The following CA12 variants were observed in gnomAD, a reference collection of about 807,000 sequenced individuals.
CA12 encodes carbonate dehydratase XII.
In CA12, 36 loss-of-function variants were observed where a neutral mutation model predicts 46.8. The observed-to-expected ratio is 0.77, with a 90% confidence interval of 0.59 to 1.02. The LOEUF (loss-of-function observed/expected upper bound fraction) is 1.02. CA12 is among the 50% of genes least tolerant of loss of function. The pLI is 0.00. For synonymous variants in CA12, 202 were observed against 187.0 expected (o/e 1.08, Z -0.65); for missense variants, 436 against 451.4 (o/e 0.97, Z 0.31).
At chr15:63,366,365 T>C (rs1453812581) in intron 2 of CA12, among the ~76,000 whole-genome samples, 2 of 152,180 alleles carry the variant, frequency 1.3e-5, no homozygotes, top group Non-Finnish European at 2.9e-5. Flanking sequence ...CTTGCTCTTA[T>C]GTGTCCTTCA....
chr15:63,351,189 G>A (rs546810734), intron 2 of CA12, among the ~76,000 whole-genome samples: 5 of 152,286 alleles, frequency 3.3e-5, no homozygotes, highest in South Asian at 4.1e-4. Context: ...CCTGGGCCCC[G>A]CTCCTCCAAG....
chr15:63,378,670 G>A lies in CA12; in HGVS notation c.85+2966C>T, dbSNP rs1422375808. ...TATAGAAGACATAAAACCTCTTCTG[G>A]ACATTTTCTTCAGTCTTTTGTGTGA... is the stretch of plus-strand genomic sequence containing the variant. On this transcript the variant is annotated intron_variant, in intron 1 of 10. Transcript: ENST00000178638. The surrounding 1 kb of genome is among the most constrained non-coding windows in gnomAD (Gnocchi z 4.8). 6.6e-6 allele frequency: 1 copy of A among 152,200 alleles called. No individual in the cohort carries two copies. The highest frequency in any genetic ancestry group is 1.9e-4 in the East Asian group (1 of 5,198). 9.4% of individuals were successfully genotyped at this position (152,200 alleles called of 1,614,324 possible).
At chr15:63,360,697 T>C (rs1437621596) in intron 2 of CA12, among the ~76,000 whole-genome samples, 1 of 152,222 alleles carries the variant, frequency 6.6e-6, no homozygotes, top group Non-Finnish European at 1.5e-5. Flanking sequence ...CCCTGCTAAC[T>C]CCTGTGTGTT....
intron 2 of CA12, among the ~76,000 whole-genome samples, chr15:63,368,581 T>C (rs904372220): frequency 4.6e-5 from 7 of 152,248 alleles, no homozygotes; most frequent in African/African-American, 1.7e-4. Context: ...GGCAGCACAC[T>C]GGCTCCTCTT....
intron 7 of CA12, 54 bp from the exon 8 acceptor site, chr15:63,338,999 C>A (rs1319969148): frequency 1.1e-5 from 18 of 1,610,578 alleles, no homozygotes; most frequent in Admixed American, 1.7e-5. Flanking sequence ...TCACCTGATC[C>A]CCTGGGAAGA....
At chr15:63,354,663 T>C (rs1035845678) in intron 2 of CA12, among the ~76,000 whole-genome samples, 1 of 152,128 alleles carries the variant, frequency 6.6e-6, no homozygotes, top group Non-Finnish European at 1.5e-5. Flanking sequence ...CTCTGAGTCT[T>C]GTGGCTTAGC....
chr15:63,328,064 T>C lies in CA12; in HGVS notation c.907+34A>G. ...CCAAGAATCACAGTGATCACCCAGC[T>C]GCAGCATGCACGGCTGGCTGCCCAG... On this transcript the variant is annotated intron_variant, in intron 9 of 10. Coordinates refer to ENST00000178638, the MANE Select transcript of CA12 (RefSeq NM_001218.5). The surrounding 1 kb of genome is among the most constrained non-coding windows in gnomAD (Gnocchi z 5.9). 1 of 1,603,814 alleles carries C rather than the reference T, an allele frequency of 6.2e-7. No individual in the cohort carries two copies. The highest frequency in any genetic ancestry group is 8.5e-7 in the Non-Finnish European group (1 of 1,170,724).
chr15:63,335,560 C>T (rs2038991612), intron 8 of CA12, among the ~76,000 whole-genome samples: 1 of 151,266 alleles, frequency 6.6e-6, no homozygotes, highest in South Asian at 2.1e-4. Flanking sequence ...AACTCTTGGG[C>T]TAATGTGATC....
intron 2 of CA12, among the ~76,000 whole-genome samples, chr15:63,371,860 T>G (rs7172944): frequency 5.9e-5 from 9 of 151,968 alleles, no homozygotes; most frequent in Non-Finnish European, 8.8e-5. Flanking sequence ...TGTTTTTGGG[T>G]TTTTTGTTTT....
intron 1 of CA12, among the ~76,000 whole-genome samples, chr15:63,377,768 T>C (rs2039595702): frequency 6.6e-6 from 1 of 152,232 alleles, no homozygotes; most frequent in Non-Finnish European, 1.5e-5. Flanking sequence ...TATAACATGC[T>C]AATATTGTTT....
intron 2 of CA12, among the ~76,000 whole-genome samples, chr15:63,350,524 C>T (rs1243625385): frequency 6.6e-6 from 1 of 152,234 alleles, no homozygotes; most frequent in African/African-American, 2.4e-5. Context: ...ACAGGAGGAT[C>T]ACGTGTCTTT....
intron 2 of CA12, among the ~76,000 whole-genome samples, chr15:63,371,877 G>A (rs992146270): frequency 2.0e-5 from 3 of 151,864 alleles, no homozygotes; most frequent in African/African-American, 7.3e-5. Context: ...TTTTGTTTTG[G>A]TTTGGTTTGG....
chr15:63,342,105 G>T lies in CA12; in HGVS notation c.430-8C>A, dbSNP rs762602509. The T allele has an allele frequency of 1.9e-6, 3 of 1,598,064 alleles. No individual in the cohort carries two copies. Among genetic ancestry groups the T allele is most frequent in the Non-Finnish European group, 2.6e-6 (3 of 1,165,690 alleles). ...ATAATGGACAATGTGCAGCTGCAGT[G>T]GGGGAGAAGCCACCCATTAGGAGAT... On this transcript the variant is annotated splice_region_variant and splice_polypyrimidine_tract_variant and intron_variant, in intron 4 of 10. Coordinates refer to ENST00000178638, the MANE Select transcript of CA12 (RefSeq NM_001218.5).
chr15:63,375,730 G>A, intron 1 of CA12, 52 bp from the exon 2 acceptor site: 1 of 1,373,382 alleles, frequency 7.3e-7, no homozygotes, highest in Non-Finnish European at 1.0e-6. Context: ...GATGAGTAAT[G>A]GAAAACACTA....
In CA12 at chr15:63,327,930, A is replaced by C. The variant is rs531930940; in HGVS notation, c.907+168T>G. Among the ~76,000 whole-genome samples, 2 of 152,346 alleles carry C rather than the reference A, an allele frequency of 1.3e-5. No homozygotes were observed. The highest frequency in any genetic ancestry group is 3.9e-4 in the East Asian group (2 of 5,188). ...TTCATTAGAGGAACATTTGATTGGC[A>C]GTTCATCTTTGAATCACAGAGCGAC... On this transcript the variant is annotated intron_variant, in intron 9 of 10. Coordinates refer to ENST00000178638, the MANE Select transcript of CA12 (RefSeq NM_001218.5). This position sits in a 1 kb window ranked among gnomAD's most constrained non-coding sequence, Gnocchi z 4.5.
At chr15:63,362,209 CCA>C (rs1466696628) in intron 2 of CA12, among the ~76,000 whole-genome samples, 1 of 152,190 alleles carries the variant, frequency 6.6e-6, no homozygotes, top group Non-Finnish European at 1.5e-5. Context: ...GACCCATGGG[CCA>C]CAGTTTGTCA....
At chr15:63,351,615 G>A (rs1355548768) in intron 2 of CA12, among the ~76,000 whole-genome samples, 1 of 152,092 alleles carries the variant, frequency 6.6e-6, no homozygotes, top group Non-Finnish European at 1.5e-5. Context: ...CTTCACAAAT[G>A]CCGTTATGAA....
intron 2 of CA12, among the ~76,000 whole-genome samples, chr15:63,364,149 C>T (rs1480652566): frequency 6.6e-6 from 1 of 151,276 alleles, no homozygotes; most frequent in East Asian, 1.9e-4. Context: ...ATCGTGCCAG[C>T]CTGGGCAACA....
rs917863066 is a variant in CA12, at chr15:63,339,613, G to T, written c.748-668C>A. Among the ~76,000 whole-genome samples the T allele has an allele frequency of 6.6e-6, 1 of 152,224 alleles. No homozygotes were observed. The highest frequency in any genetic ancestry group is 3.2e-3 in the Middle Eastern group (1 of 316). ...GAGCAGCTGTGAGGCTGCCCTGGACGCATGAAGCTGGCGTGGGGCTGTGAG... is the reference window on the plus strand; with the variant it reads ...GAGCAGCTGTGAGGCTGCCCTGGACTCATGAAGCTGGCGTGGGGCTGTGAG... On this transcript the variant is annotated intron_variant, in intron 7 of 10. Transcript: ENST00000178638. This position sits in a 1 kb window ranked among gnomAD's most constrained non-coding sequence, Gnocchi z 4.3.
Sources: gnomAD v4.1 joint callset for allele counts (sites outside exome capture counted in the v4.1 genomes callset) on GRCh38, gnomAD v4.1.1 for gene constraint, Gnocchi (gnomAD v3.1) non-coding constraint, MANE v1.5 for transcripts, NCBI Gene and HGNC (gene_info 2026-07-23, HGNC 2026-07-21) for gene names.